Variants in FEN1 observed in about 807,000 individuals in gnomAD.
The protein encoded by FEN1 is flap endonuclease 1.
A neutral mutation model predicts 24.7 loss-of-function variants in FEN1; 19 were observed. That is an observed-to-expected ratio of 0.77 (90% CI 0.54 to 1.13). FEN1 has a LOEUF of 1.13. Among genes scored for constraint, FEN1 ranks in the 50% most tolerant of loss-of-function variants. The pLI, the probability that FEN1 is intolerant of heterozygous loss-of-function variation, is 0.00. For missense variants in FEN1, 339 were observed against 488.7 expected (o/e 0.69, Z 2.89); for synonymous variants, 155 against 189.2 (o/e 0.82, Z 1.48).
At position 61,795,826 on chromosome 11, in the gene FEN1, AC is replaced by A. The variant is rs1274635588; in HGVS notation, c.468del (p.Ser157ValfsTer11). On this transcript the variant is annotated frameshift_variant, in exon 2 of 2. Coordinates refer to ENST00000305885, the MANE Select transcript of FEN1 (RefSeq NM_004111.6). LOFTEE classifies it high-confidence loss of function. The surrounding 1 kb of genome is among the most constrained non-coding windows in gnomAD (Gnocchi z 4.1). ...SLMGIPYLDA[P>X]SEAEASCAAL... is the part of the protein sequence containing the mutation. ...TCATGGGCATCCCTTATCTTGATGCACCCAGTGAGGCAGAGGCCAGCTGTGC... is the reference window on the plus strand; with the variant it reads ...TCATGGGCATCCCTTATCTTGATGCACCAGTGAGGCAGAGGCCAGCTGTGC... The A allele has an allele frequency of 6.2e-7, 1 of 1,613,896 alleles. No homozygotes were observed. Among genetic ancestry groups the A allele is most frequent in the African/African-American group, 1.3e-5 (1 of 74,944 alleles).
chr11:61,796,954 A>G lies in FEN1; in HGVS notation c.*450A>G, dbSNP rs1255806062. 5.6e-6 allele frequency: 1 copy of G among 177,230 alleles called. No homozygotes were observed. The highest frequency in any genetic ancestry group is 2.4e-5 in the African/African-American group (1 of 41,508). 11.0% of individuals were successfully genotyped at this position (177,230 alleles called of 1,614,324 possible). On this transcript the variant is annotated 3_prime_UTR_variant, in exon 2 of 2. Coordinates refer to ENST00000305885, the MANE Select transcript of FEN1 (RefSeq NM_004111.6). Reference sequence around the variant, plus strand: ...CCACCTTGAGAGAGAGCCACCAGGAAGGCGCATCTTAGCAGATGGGAGGAA... The same window carrying G: ...CCACCTTGAGAGAGAGCCACCAGGAGGGCGCATCTTAGCAGATGGGAGGAA...
At position 61,795,921 on chromosome 11, in the gene FEN1, G is replaced by C. The variant is rs1265253316; in HGVS notation, c.560G>C (p.Ser187Thr). Residue 187 changes from serine (S) to threonine (T), a missense_variant, in exon 2 of 2, where the codon AGC (serine) becomes ACC (threonine). Physicochemically the swap from Ser to Thr is moderately conservative, Grantham distance 58. This residue lies in a region of FEN1 where 216 missense variants were observed against 329.7 expected (regional missense o/e 0.66). Coordinates refer to ENST00000305885, the MANE Select transcript of FEN1 (RefSeq NM_004111.6). The surrounding 1 kb of genome is among the most constrained non-coding windows in gnomAD (Gnocchi z 4.1). ...GACATGGACTGCCTCACCTTCGGCA[G>C]CCCTGTGCTAATGCGACACCTGACT... ...TEDMDCLTFG[S>T]PVLMRHLTAS... 2 of 1,614,060 alleles carry C rather than the reference G, an allele frequency of 1.2e-6. No individual in the cohort carries two copies. Among genetic ancestry groups the C allele is most frequent in the East Asian group, 4.5e-5 (2 of 44,884 alleles).
intron 1 of FEN1, among the ~76,000 whole-genome samples, chr11:61,793,622 T>C (rs1296192079): frequency 6.6e-6 from 1 of 152,252 alleles, no homozygotes; most frequent in Non-Finnish European, 1.5e-5. Context: ...GAATTATTCA[T>C]ATTAATCAAA....
chr11:61,796,407 C>T lies in FEN1; in HGVS notation c.1046C>T (p.Ser349Leu), dbSNP rs768399301. The change falls in exon 2 of 2, where the codon TCA becomes TTA. Residue 349 changes from serine to leucine, a missense_variant. This residue lies in a region of FEN1 where 53 missense variants were observed against 94.1 expected (regional missense o/e 0.56). Coordinates refer to ENST00000305885, the MANE Select transcript of FEN1 (RefSeq NM_004111.6). ...RLDDFFKVTGSLSSAKRKEPE... is the reference protein window; with the variant it reads ...RLDDFFKVTGLLSSAKRKEPE... The stretch of plus-strand genomic sequence containing the variant: ...GATGATTTCTTCAAGGTGACCGGCT[C>T]ACTCTCTTCAGCTAAGCGCAAGGAG... 6.8e-6 allele frequency: 11 copies of T among 1,613,626 alleles called. No individual in the cohort carries two copies. The highest frequency in any genetic ancestry group is 8.5e-6 in the Non-Finnish European group (10 of 1,180,028).
In FEN1 at chr11:61,796,200, A is replaced by G; in HGVS notation, c.839A>G (p.His280Arg). The G allele has an allele frequency of 6.2e-7, 1 of 1,613,404 alleles. No homozygotes were observed. Among genetic ancestry groups the G allele is most frequent in the Non-Finnish European group, 8.5e-7 (1 of 1,180,042 alleles). The change falls in exon 2 of 2, where the codon CAC becomes CGC. Residue 280 changes from histidine (H) to arginine (R), a missense_variant. This residue lies in a region of FEN1 where 70 missense variants were observed against 64.9 expected (regional missense o/e 1.08). Transcript: ENST00000305885. ...GAAAATTGGCTCCACAAGGAGGCTC[A>G]CCAGCTCTTCTTGGAACCTGAGGTG... ...VPENWLHKEA[H>R]QLFLEPEVLD...
chr11:61,793,896 T>C (rs2066805203), intron 1 of FEN1, among the ~76,000 whole-genome samples: 1 of 152,234 alleles, frequency 6.6e-6, no homozygotes, highest in Non-Finnish European at 1.5e-5. Flanking sequence ...AAGAACCCTG[T>C]GAAGAAAGAG....
chr11:61,795,056 T>C lies in FEN1; in HGVS notation c.-21-285T>C, dbSNP rs1434749319. Among the ~76,000 whole-genome samples the C allele has an allele frequency of 1.3e-5, 2 of 152,172 alleles. No individual in the cohort carries two copies. The highest frequency in any genetic ancestry group is 6.5e-5 in the Admixed American group (1 of 15,278). On this transcript the variant is annotated intron_variant, in intron 1 of 1. Coordinates refer to ENST00000305885, the MANE Select transcript of FEN1 (RefSeq NM_004111.6). This position sits in a 1 kb window ranked among gnomAD's most constrained non-coding sequence, Gnocchi z 4.1. ...ATGGAGACCTATGTTGCAGGTTTTT[T>C]TTGTGTAATAAATAATGCTGCTACC...
In FEN1 at chr11:61,795,570, G is replaced by A; in HGVS notation, c.209G>A (p.Arg70His). ...AGCCACCTGATGGGCATGTTCTACC[G>A]CACCATTCGCATGATGGAGAACGGC... Reference protein sequence around the residue: ...TTSHLMGMFYRTIRMMENGIK... With the variant: ...TTSHLMGMFYHTIRMMENGIK... The change falls in exon 2 of 2, where the codon CGC becomes CAC. Residue 70 changes from arginine (R) to histidine (H), a missense_variant. Physicochemically the swap from Arg to His is conservative, Grantham distance 29. Transcript: ENST00000305885. This position sits in a 1 kb window ranked among gnomAD's most constrained non-coding sequence, Gnocchi z 4.1. 3.1e-6 allele frequency: 5 copies of A among 1,614,174 alleles called. No homozygotes were observed. Among genetic ancestry groups the A allele is most frequent in the East Asian group, 2.2e-5 (1 of 44,886 alleles).
At chr11:61,794,296 C>G (rs2066807778) in intron 1 of FEN1, among the ~76,000 whole-genome samples, 1 of 152,150 alleles carries the variant, frequency 6.6e-6, no homozygotes, top group Non-Finnish European at 1.5e-5. Context: ...CCTGCCTCAG[C>G]CTCCCGAGTA....
Position 61,795,360 on chromosome 11 carries a change from C to T in FEN1, c.-2C>T, listed in dbSNP as rs768058398. The T allele has an allele frequency of 7.5e-6, 12 of 1,594,716 alleles. No individual in the cohort carries two copies. Among genetic ancestry groups the T allele is most frequent in the Admixed American group, 1.7e-5 (1 of 58,988 alleles). ...TTTTAGTCATCCCTCCTCTGTGTTG[C>T]CATGGGAATTCAAGGCCTGGCCAAA... On this transcript the variant is annotated 5_prime_UTR_variant, in exon 2 of 2. Coordinates refer to ENST00000305885, the MANE Select transcript of FEN1 (RefSeq NM_004111.6). This position sits in a 1 kb window ranked among gnomAD's most constrained non-coding sequence, Gnocchi z 4.1.
In FEN1 at chr11:61,796,476, C is replaced by A; in HGVS notation, c.1115C>A (p.Ala372Glu). The A allele has an allele frequency of 6.2e-7, 1 of 1,609,540 alleles. No individual in the cohort carries two copies. Among genetic ancestry groups the A allele is most frequent in the African/African-American group, 1.3e-5 (1 of 74,848 alleles). Residue 372 changes from alanine to glutamate, a missense_variant, in exon 2 of 2, where the codon GCA becomes GAA. Around this residue, in one of 3 missense-constraint regions of FEN1, gnomAD observed 53 missense variants for 94.1 expected, o/e 0.56. Coordinates refer to ENST00000305885, the MANE Select transcript of FEN1 (RefSeq NM_004111.6). ...GSTKKKAKTG[A>E]AGKFKRGK ...ACTAAGAAGAAGGCAAAGACTGGGG[C>A]AGCAGGGAAGTTTAAAAGGGGAAAA...
intron 1 of FEN1, among the ~76,000 whole-genome samples, chr11:61,794,729 C>T (rs190288836): frequency 2.1e-4 from 32 of 151,950 alleles, no homozygotes; most frequent in Non-Finnish European, 4.0e-4. Context: ...TGAGTGGTGG[C>T]GAGAAAACGC....
intron 1 of FEN1, among the ~76,000 whole-genome samples, chr11:61,793,723 C>T (rs1394142238): frequency 6.6e-6 from 1 of 152,104 alleles, no homozygotes; most frequent in Non-Finnish European, 1.5e-5. Flanking sequence ...GAGGAGGGCA[C>T]AGCTAAGGAA....
rs753991316 is a variant in FEN1, at chr11:61,796,353, G to C, written c.992G>C (p.Ser331Thr). 1 of 1,613,586 alleles carries C rather than the reference G, an allele frequency of 6.2e-7. No homozygotes were observed. Among genetic ancestry groups the C allele is most frequent in the South Asian group, 1.1e-5 (1 of 91,044 alleles). The change falls in exon 2 of 2, where the codon AGC becomes ACC. Residue 331 changes from serine (S) to threonine (T), a missense_variant. Around this residue, in one of 3 missense-constraint regions of FEN1, gnomAD observed 53 missense variants for 94.1 expected, o/e 0.56. Transcript: ENST00000305885. The stretch of plus-strand genomic sequence containing the variant: ...AGTGGGGTCAAGAGGCTGAGTAAGA[G>C]CCGCCAAGGCAGCACCCAGGGCCGC... ...IRSGVKRLSK[S>T]RQGSTQGRLD...
chr11:61,796,625 C>A lies in FEN1; in HGVS notation c.*121C>A. 1 of 1,106,966 alleles carries A rather than the reference C, an allele frequency of 9.0e-7. No homozygotes were observed. The highest frequency in any genetic ancestry group is 1.3e-6 in the Non-Finnish European group (1 of 787,804). The allele number at this position is 1,106,966 out of a possible 1,614,324, so 68.6% of individuals were successfully genotyped here. On this transcript the variant is annotated 3_prime_UTR_variant, in exon 2 of 2. Transcript: ENST00000305885. ...GGATTCTAAGGCTTTTCTAGCGTGACCCTTTTCAGTAGTGCTAGTCCCTTT... is the reference window on the plus strand; with the variant it reads ...GGATTCTAAGGCTTTTCTAGCGTGAACCTTTTCAGTAGTGCTAGTCCCTTT...
At position 61,796,937 on chromosome 11, in the gene FEN1, A is replaced by G. The variant is rs747886932; in HGVS notation, c.*433A>G. 7.8e-5 allele frequency: 14 copies of G among 179,180 alleles called. No individual in the cohort carries two copies. Among genetic ancestry groups the G allele is most frequent in the African/African-American group, 1.2e-4 (5 of 41,524 alleles). 11.1% of individuals were successfully genotyped at this position (179,180 alleles called of 1,614,324 possible). Reference sequence around the variant, plus strand: ...TCTTGTTCAGCCTTGACCCACCTTGAGAGAGAGCCACCAGGAAGGCGCATC... The same window carrying G: ...TCTTGTTCAGCCTTGACCCACCTTGGGAGAGAGCCACCAGGAAGGCGCATC... On this transcript the variant is annotated 3_prime_UTR_variant, in exon 2 of 2. Transcript: ENST00000305885.
chr11:61,794,640 CTT>C lies in FEN1; in HGVS notation c.-21-698_-21-697del, dbSNP rs201779441. 1.8e-4 allele frequency among the ~76,000 whole-genome samples: 27 copies of C among 152,290 alleles called. No homozygotes were observed. The East Asian group carries it at 5.0e-3, about 28-fold the overall frequency. On this transcript the variant is annotated intron_variant, in intron 1 of 1. Transcript: ENST00000305885. ...ACACTGAACTCTGAAGTGCAATACTCTTTTGAGCCCAGTGACTACAGCATGCC... is the reference window on the plus strand; with the variant it reads ...ACACTGAACTCTGAAGTGCAATACTCTTGAGCCCAGTGACTACAGCATGCC...
In FEN1 at chr11:61,796,025, C is replaced by G; in HGVS notation, c.664C>G (p.Gln222Glu). 6.2e-7 allele frequency: 1 copy of G among 1,614,196 alleles called. No individual in the cohort carries two copies. The highest frequency in any genetic ancestry group is 8.5e-7 in the Non-Finnish European group (1 of 1,180,044). ...GCAGGAGCTGGGCCTGAACCAGGAACAGTTTGTGGATCTGTGCATCCTGCT... is the reference window on the plus strand; with the variant it reads ...GCAGGAGCTGGGCCTGAACCAGGAAGAGTTTGTGGATCTGTGCATCCTGCT... ...ILQELGLNQEQFVDLCILLGS... is the reference protein window; with the variant it reads ...ILQELGLNQEEFVDLCILLGS... Residue 222 changes from glutamine (Q) to glutamate (E), a missense_variant, in exon 2 of 2, where the codon CAG becomes GAG. By Grantham distance (29) the Gln-to-Glu change is conservative (BLOSUM62 2). Transcript: ENST00000305885.
chr11:61,796,239 C>G lies in FEN1; in HGVS notation c.878C>G (p.Ser293Cys), dbSNP rs2066819053. ...FLEPEVLDPE[S>C]VELKWSEPNE... Reference sequence around the variant, plus strand: ...GAACCTGAGGTGCTGGACCCAGAGTCTGTGGAGCTGAAGTGGAGCGAGCCA... The same window carrying G: ...GAACCTGAGGTGCTGGACCCAGAGTGTGTGGAGCTGAAGTGGAGCGAGCCA... The change falls in exon 2 of 2, where the codon TCT (serine) becomes TGT (cysteine). Residue 293 changes from serine (S) to cysteine (C), a missense_variant. This residue lies in a region of FEN1 where 70 missense variants were observed against 64.9 expected (regional missense o/e 1.08). Transcript: ENST00000305885. 1 of 1,612,708 alleles carries G rather than the reference C, an allele frequency of 6.2e-7. No individual in the cohort carries two copies. Among genetic ancestry groups the G allele is most frequent in the Non-Finnish European group, 8.5e-7 (1 of 1,180,044 alleles).
Sources: gnomAD v4.1 joint callset for allele counts (sites outside exome capture counted in the v4.1 genomes callset) on GRCh38, gnomAD v4.1.1 for gene constraint, gnomAD v4.1.1 regional missense constraint, Gnocchi (gnomAD v3.1) non-coding constraint, MANE v1.5 for transcripts, NCBI Gene and HGNC (gene_info 2026-07-23, HGNC 2026-07-21) for gene names.